ANO1: variants seen among roughly 807,000 people sequenced by gnomAD.
The protein encoded by ANO1 is anoctamin 1, also known as anoctamin-1.
A neutral mutation model predicts 124.0 loss-of-function variants in ANO1; 59 were observed. The observed-to-expected ratio is 0.48, with a 90% CI of 0.39 to 0.59. ANO1 has a LOEUF of 0.59. ANO1 is among the 20% of genes least tolerant of loss of function. The probability of loss-of-function intolerance (pLI) is 0.00; values close to 1 mark genes in which losing one functional copy is unlikely to be tolerated. For synonymous variants in ANO1, 529 were observed against 532.0 expected (o/e 0.99, Z 0.08); for missense variants, 1,059 against 1,328.0 (o/e 0.80, Z 3.15).
chr11:69,979,171 T>A, the ANO1 span, among the ~76,000 whole-genome samples: 1 of 152,166 alleles, frequency 6.6e-6, no homozygotes, highest in African/African-American at 2.4e-5. Flanking sequence ...AGGCCAAGGG[T>A]CCGGAGACAG....
At chr11:70,008,172 T>C (rs1432299457) in intron 1 of ANO1, among the ~76,000 whole-genome samples, 1 of 152,216 alleles carries the variant, frequency 6.6e-6, no homozygotes, top group Non-Finnish European at 1.5e-5. Flanking sequence ...CCTTATCAAA[T>C]ATATGCCTTA....
intron 2 of ANO1, among the ~76,000 whole-genome samples, chr11:70,095,394 GAAA>G (rs2044880623): frequency 2.6e-5 from 1 of 38,222 alleles, no homozygotes; most frequent in Non-Finnish European, 6.7e-5. Context: ...AAGAAAGAAA[GAAA>G]GAAAGAAAGA....
the ANO1 span, among the ~76,000 whole-genome samples, chr11:69,972,916 CT>C: frequency 3.4e-5 from 5 of 146,180 alleles, no homozygotes; most frequent in Admixed American, 2.1e-4. Context: ...CTTTTTCTTT[CT>C]TTTTTTTTTG....
intron 1 of ANO1, among the ~76,000 whole-genome samples, chr11:70,070,818 A>C (rs561215519): frequency 2.0e-5 from 3 of 152,370 alleles, no homozygotes; most frequent in Admixed American, 2.0e-4. Flanking sequence ...TCACTCTACC[A>C]GAAAAGCCAG....
chr11:70,127,609 T>A (rs1436624214), intron 10 of ANO1, among the ~76,000 whole-genome samples: 1 of 151,806 alleles, frequency 6.6e-6, no homozygotes, highest in Non-Finnish European at 1.5e-5. Flanking sequence ...GGTTGGAGGA[T>A]CCCTTGAGCC....
chr11:70,004,002 C>T (rs1407156070), intron 1 of ANO1, among the ~76,000 whole-genome samples: 3 of 152,146 alleles, frequency 2.0e-5, no homozygotes, highest in African/African-American at 7.2e-5. Flanking sequence ...AGACCACCCA[C>T]GAGCTCCTCC....
chr11:70,075,357 C>T (rs1478019149), upstream of ANO1: 3 of 152,208 alleles, frequency 2.0e-5, no homozygotes, highest in East Asian at 1.9e-4. Flanking sequence ...TTAAAATGTC[C>T]GCAAAGTGCT....
At chr11:70,179,170 C>G (rs1333983488) in intron 22 of ANO1, among the ~76,000 whole-genome samples, 9 of 152,242 alleles carry the variant, frequency 5.9e-5, no homozygotes, top group Non-Finnish European at 1.5e-5. Flanking sequence ...CTGACGAGTG[C>G]TGGTTATCAC....
chr11:70,034,136 G>A (rs372209049), intron 1 of ANO1, among the ~76,000 whole-genome samples: 33 of 152,044 alleles, frequency 2.2e-4, no homozygotes, highest in African/African-American at 7.7e-4. Flanking sequence ...TACGTAGCAG[G>A]TCCTCTGCAT....
At chr11:69,996,660 A>G (rs1856276577) in intron 1 of ANO1, among the ~76,000 whole-genome samples, 1 of 152,186 alleles carries the variant, frequency 6.6e-6, no homozygotes, top group African/African-American at 2.4e-5. Flanking sequence ...AGGTTGAGTG[A>G]TATTCCTCAG....
chr11:69,970,709 C>T, the ANO1 span, among the ~76,000 whole-genome samples: 2 of 152,164 alleles, frequency 1.3e-5, no homozygotes, highest in African/African-American at 2.4e-5. Context: ...GAAATGCCAC[C>T]TTTAAAAGGG....
At position 70,087,941 on chromosome 11, in the gene ANO1, C is replaced by G. The variant is rs778638667; in HGVS notation, c.298C>G (p.Pro100Ala). 4 of 1,602,918 alleles carry G rather than the reference C, an allele frequency of 2.5e-6. No individual in the cohort carries two copies. The East Asian group carries it at 6.7e-5, about 27-fold the overall frequency. ...GGCTCGCAGCGTCAAGCAGGACCAC[C>G]CCCTGCCGGGCAAGGGGGCGTCGCT... Reference protein sequence around the residue: ...SGARSVKQDHPLPGKGASLDA... With the variant: ...SGARSVKQDHALPGKGASLDA... The change falls in exon 2 of 26, where the codon CCC (proline) becomes GCC (alanine). Residue 100 changes from proline to alanine, a missense_variant. Around this residue, in one of 2 missense-constraint regions of ANO1, gnomAD observed 250 missense variants for 233.1 expected, o/e 1.07. Transcript: ENST00000355303.
chr11:70,153,234 C>A, intron 14 of ANO1, 106 bp downstream of exon 14: 1 of 1,056,588 alleles, frequency 9.5e-7, no homozygotes, highest in African/African-American at 1.6e-5. Flanking sequence ...GGCTGTGTAA[C>A]CCCGTGTTGC....
intron 1 of ANO1, among the ~76,000 whole-genome samples, chr11:70,041,136 G>A (rs1322872380): frequency 6.6e-6 from 1 of 152,132 alleles, no homozygotes; most frequent in African/African-American, 2.4e-5. Flanking sequence ...GTAGGGGCAG[G>A]GGATGCCGAC....
the ANO1 span, among the ~76,000 whole-genome samples, chr11:69,971,067 T>C: frequency 6.6e-6 from 1 of 152,142 alleles, no homozygotes; most frequent in Non-Finnish European, 1.5e-5. Flanking sequence ...GGCAATCTCT[T>C]ACTGAGAAAA....
chr11:70,035,317 G>A (rs11237407), intron 1 of ANO1, among the ~76,000 whole-genome samples: 18,578 of 152,190 alleles, frequency 0.12, 1,475 homozygotes, highest in African/African-American at 0.2. Flanking sequence ...GCAGCTGAGC[G>A]TGTGGAGAGA....
chr11:70,115,452 A>C (rs1416312697), intron 7 of ANO1, among the ~76,000 whole-genome samples: 1 of 152,076 alleles, frequency 6.6e-6, no homozygotes, highest in Non-Finnish European at 1.5e-5. Flanking sequence ...GTCTCTACTA[A>C]AAATACAAAA....
chr11:70,145,664 C>T (rs1435053660), intron 11 of ANO1, among the ~76,000 whole-genome samples: 1 of 152,092 alleles, frequency 6.6e-6, no homozygotes, highest in East Asian at 1.9e-4. Flanking sequence ...ATGCCAGGTG[C>T]AGTGGCTCAT....
intron 10 of ANO1, among the ~76,000 whole-genome samples, chr11:70,130,823 C>T (rs1054918564): frequency 3.9e-5 from 6 of 152,206 alleles, no homozygotes; most frequent in African/African-American, 1.4e-4. Context: ...CTGCACCGGG[C>T]AGCTGGGGAC....
Sources: allele counts gnomAD v4.1 joint callset (sites outside exome capture counted in the v4.1 genomes callset), GRCh38; gene constraint gnomAD v4.1.1; regional missense constraint gnomAD v4.1.1; transcripts MANE v1.5; gene names NCBI Gene and HGNC (gene_info 2026-07-23, HGNC 2026-07-21).